LDLRAD3: variants seen among roughly 807,000 people sequenced by gnomAD.
The protein encoded by LDLRAD3 is low-density lipoprotein receptor class A domain-containing protein 3.
In LDLRAD3, 20 loss-of-function variants were observed where a neutral mutation model predicts 29.4. The observed-to-expected ratio is 0.68, with a 90% CI of 0.48 to 0.99. The LOEUF (loss-of-function observed/expected upper bound fraction) is 0.99, where lower values mean the gene tolerates loss of function less well. Ranked by LOEUF, LDLRAD3 falls within the 50% of genes least tolerant of loss-of-function variation. The pLI is 0.00. For synonymous variants in LDLRAD3, 157 were observed against 192.7 expected (o/e 0.81, Z 1.53); for missense variants, 420 against 454.3 (o/e 0.92, Z 0.69).
chr11:35,947,969 T>C (rs944194967), intron 1 of LDLRAD3, among the ~76,000 whole-genome samples: 24 of 152,216 alleles, frequency 1.6e-4, no homozygotes, highest in African/African-American at 5.8e-4. Context: ...GTGTTCATGG[T>C]AAATACATAA....
In LDLRAD3 at chr11:36,098,370, G is replaced by A; in HGVS notation, c.363G>A (p.Lys121=). 1 of 1,614,242 alleles carries A rather than the reference G, an allele frequency of 6.2e-7. No individual in the cohort carries two copies. ...LLCSTARYHC[K]NGLCIDKSFI... is the part of the protein sequence containing the mutation. ...GCTCCACCGCCCGCTACCACTGCAA[G>A]AACGGCCTCTGTATTGACAAGAGCT... The change falls in exon 4 of 6, where the codon AAG becomes AAA. Residue 121 remains lysine (K), a synonymous_variant. Transcript: ENST00000315571.
At chr11:36,227,626 C>T (rs1248203860) in intron 5 of LDLRAD3, among the ~76,000 whole-genome samples, 196 bp downstream of exon 5, 3 of 152,202 alleles carry the variant, frequency 2.0e-5, no homozygotes, top group South Asian at 2.1e-4. Context: ...CTTAGCACCT[C>T]GCTGAGGGAG....
intron 2 of LDLRAD3, among the ~76,000 whole-genome samples, chr11:36,049,196 C>T (rs1354869995): frequency 6.6e-6 from 1 of 152,130 alleles, no homozygotes; most frequent in Non-Finnish European, 1.5e-5. Flanking sequence ...TAAATGGCTG[C>T]AAAATCACAG....
rs35567395 is a variant in LDLRAD3 at position 36,161,323 on chromosome 11, A to T, written c.454+62862A>T. On this transcript the variant is annotated intron_variant, in intron 4 of 5. Coordinates refer to ENST00000315571, the MANE Select transcript of LDLRAD3 (RefSeq NM_174902.4). The stretch of plus-strand genomic sequence containing the variant: ...CTATAATACTATCCCCATTTTCTAA[A>T]TGAGGAAATGGAACTTCAGAGTGAT... Among the ~76,000 whole-genome samples the T allele has an allele frequency of 3.2e-3, 489 of 152,120 alleles. 3 individuals carry two copies. Among genetic ancestry groups the T allele is most frequent in the African/African-American group, 0.011 (468 of 41,482 alleles).
chr11:36,061,723 A>G (rs1043682653), intron 2 of LDLRAD3, among the ~76,000 whole-genome samples: 1 of 152,176 alleles, frequency 6.6e-6, no homozygotes, highest in African/African-American at 2.4e-5. Flanking sequence ...GCTTGTGCAT[A>G]AAGCTCAGCC....
At chr11:35,978,422 G>A (rs1851501094) in intron 1 of LDLRAD3, among the ~76,000 whole-genome samples, 1 of 152,216 alleles carries the variant, frequency 6.6e-6, no homozygotes. Context: ...GTGACATTGT[G>A]TAACACGACC....
At chr11:36,001,611 A>G (rs1851825410) in intron 1 of LDLRAD3, among the ~76,000 whole-genome samples, 1 of 152,178 alleles carries the variant, frequency 6.6e-6, no homozygotes, top group Non-Finnish European at 1.5e-5. Flanking sequence ...CCTCCCCTAC[A>G]ATCGTAAAAA....
chr11:36,179,366 T>A (rs1461379298), intron 4 of LDLRAD3, among the ~76,000 whole-genome samples: 3 of 152,092 alleles, frequency 2.0e-5, no homozygotes, highest in African/African-American at 7.2e-5. Context: ...TCCAGCTACT[T>A]GAGAGGCTGA....
chr11:36,175,767 A>G (rs1854666514), intron 4 of LDLRAD3, among the ~76,000 whole-genome samples: 1 of 152,184 alleles, frequency 6.6e-6, no homozygotes, highest in Non-Finnish European at 1.5e-5. Context: ...GCACTGATGA[A>G]TAGAATGTAT....
rs560807768 is a variant in LDLRAD3, at chr11:36,102,801, G to A, written c.454+4340G>A. Among the ~76,000 whole-genome samples the A allele has an allele frequency of 2.0e-4, 31 of 152,274 alleles. No individual in the cohort carries two copies. In the South Asian group the frequency reaches 6.5e-3, roughly 32 times the overall value. ...CTCTGTGGGAGGGACACATCTGAGAGTTAGCAGGTCCTGCCATATACATGT... is the reference window on the plus strand; with the variant it reads ...CTCTGTGGGAGGGACACATCTGAGAATTAGCAGGTCCTGCCATATACATGT... On this transcript the variant is annotated intron_variant, in intron 4 of 5. Transcript: ENST00000315571.
intron 2 of LDLRAD3, among the ~76,000 whole-genome samples, chr11:36,064,659 C>G (rs1441750592): frequency 6.6e-6 from 1 of 151,950 alleles, no homozygotes; most frequent in East Asian, 1.9e-4. Context: ...TGAAATCGTT[C>G]TTGTTTTCTA....
At chr11:36,050,730 A>AT (rs1852514759) in intron 2 of LDLRAD3, among the ~76,000 whole-genome samples, 1 of 152,024 alleles carries the variant, frequency 6.6e-6, no homozygotes, top group Non-Finnish European at 1.5e-5. Context: ...CCTCTGCTTT[A>AT]TTTTTTTCAT....
In LDLRAD3 at chr11:36,057,463, TA is replaced by T. The variant is rs1197391059; in HGVS notation, c.193+21215del. ...GGCTCTTGTTCCTTCTCCTTTGTTGTAGCCAGTGTGTGACTCCTTGGCCCTC... is the reference window on the plus strand; with the variant it reads ...GGCTCTTGTTCCTTCTCCTTTGTTGTGCCAGTGTGTGACTCCTTGGCCCTC... On this transcript the variant is annotated intron_variant, in intron 2 of 5. Coordinates refer to ENST00000315571, the MANE Select transcript of LDLRAD3 (RefSeq NM_174902.4). Among the ~76,000 whole-genome samples the T allele has an allele frequency of 2.6e-5, 4 of 152,346 alleles. No individual in the cohort carries two copies. The East Asian group carries it at 7.7e-4, about 29-fold the overall frequency.
At chr11:36,132,209 T>C (rs992854074) in intron 4 of LDLRAD3, among the ~76,000 whole-genome samples, 6 of 152,124 alleles carry the variant, frequency 3.9e-5, no homozygotes, top group Non-Finnish European at 7.4e-5. Flanking sequence ...GCCAAACCTA[T>C]TTATAAAGGA....
chr11:35,962,950 G>T (rs776971644), intron 1 of LDLRAD3, among the ~76,000 whole-genome samples: 1 of 152,160 alleles, frequency 6.6e-6, no homozygotes, highest in Non-Finnish European at 1.5e-5. Flanking sequence ...ACCAGAAGTA[G>T]ATATACCAGA....
At chr11:36,041,664 A>AC (rs1419571475) in intron 2 of LDLRAD3, among the ~76,000 whole-genome samples, 1 of 152,198 alleles carries the variant, frequency 6.6e-6, no homozygotes, top group Non-Finnish European at 1.5e-5. Flanking sequence ...CCCACAGGGG[A>AC]CCAGGGGTCA....
At chr11:36,124,669 A>T (rs973570841) in intron 4 of LDLRAD3, among the ~76,000 whole-genome samples, 1 of 150,278 alleles carries the variant, frequency 6.7e-6, no homozygotes, top group African/African-American at 2.4e-5. Context: ...CTTGTCCGGC[A>T]CGCTAGTCTC....
intron 1 of LDLRAD3, chr11:35,972,775 G>T (rs1029320555): frequency 6.6e-6 from 1 of 152,172 alleles, no homozygotes; most frequent in Non-Finnish European, 1.5e-5. Context: ...AAGAGGTCAG[G>T]CGCGGTGGCT....
chr11:36,124,264 A>G (rs555454890), intron 4 of LDLRAD3, among the ~76,000 whole-genome samples: 2 of 152,148 alleles, frequency 1.3e-5, no homozygotes, highest in Non-Finnish European at 2.9e-5. Flanking sequence ...CTAAAATAGG[A>G]AGGCTATTGA....
Sources: gnomAD v4.1 joint callset for allele counts (sites outside exome capture counted in the v4.1 genomes callset) on GRCh38, gnomAD v4.1.1 for gene constraint, MANE v1.5 for transcripts, NCBI Gene and HGNC (gene_info 2026-07-23, HGNC 2026-07-21) for gene names.